Variants in SPPL2A observed in about 807,000 individuals in gnomAD.
SPPL2A encodes the protein signal peptide peptidase like 2A, also known as signal peptide peptidase-like 2A.
Under a neutral mutation model 63.8 loss-of-function variants are expected in SPPL2A, and 51 were observed. The observed-to-expected ratio is 0.80, with a 90% CI of 0.64 to 1.01. The LOEUF is 1.01. SPPL2A is among the 50% of genes least tolerant of loss of function. The pLI, the probability that SPPL2A is intolerant of heterozygous loss-of-function variation, is 0.00. For missense variants in SPPL2A, 553 were observed against 622.7 expected (o/e 0.89, Z 1.19); for synonymous variants, 188 against 205.8 (o/e 0.91, Z 0.74).
intron 5 of SPPL2A, 134 bp from the exon 6 acceptor site, chr15:50,739,962 TTA>T: frequency 2.4e-6 from 1 of 423,596 alleles, no homozygotes; most frequent in Admixed American, 4.7e-5. Context: ...TTTTATTTTA[TTA>T]TTTTTCTAAG....
At chr15:50,733,821 A>T (rs1468274319) in intron 8 of SPPL2A, among the ~76,000 whole-genome samples, 1 of 152,218 alleles carries the variant, frequency 6.6e-6, no homozygotes, top group East Asian at 1.9e-4. Context: ...CAATAGAAAA[A>T]AAAAAGTAAT....
rs372546749 is a variant in SPPL2A, at chr15:50,749,717, C to A, written c.96G>T (p.Ala32=). Residue 32 remains alanine (A), a synonymous_variant, in exon 2 of 15, where the codon GCG becomes GCT. Transcript: ENST00000261854. The part of the protein sequence containing the change: ...LTAAQEAILH[A]SGNGTTKDYC... ...AGTCCTTGGTTGTGCCATTTCCAGA[C>A]GCATGCAAGATTGCTTCCTGAGCGG... is the stretch of plus-strand genomic sequence containing the variant. The A allele has an allele frequency of 1.9e-6, 3 of 1,613,460 alleles. No individual in the cohort carries two copies. The highest frequency in any genetic ancestry group is 2.5e-6 in the Non-Finnish European group (3 of 1,179,400).
At chr15:50,733,624 G>A (rs1483368257) in intron 8 of SPPL2A, among the ~76,000 whole-genome samples, 3 of 152,066 alleles carry the variant, frequency 2.0e-5, no homozygotes, top group African/African-American at 7.2e-5. Context: ...TCTTGAGTAA[G>A]ACTTGAAAAG....
At chr15:50,717,296 TC>T (rs1312277206) in intron 14 of SPPL2A, among the ~76,000 whole-genome samples, 3 of 152,106 alleles carry the variant, frequency 2.0e-5, no homozygotes, top group Non-Finnish European at 4.4e-5. Flanking sequence ...CACCTCAGGC[TC>T]CCGAGCAGCT....
intron 1 of SPPL2A, among the ~76,000 whole-genome samples, chr15:50,753,890 G>A (rs964703165): frequency 1.3e-5 from 2 of 151,972 alleles, no homozygotes; most frequent in African/African-American, 2.4e-5. Flanking sequence ...TCCGCCTCCC[G>A]AGTTCAAGCA....
chr15:50,747,539 C>T lies in SPPL2A; in HGVS notation c.540G>A (p.Val180=). The change falls in exon 5 of 15, where the codon GTG becomes GTA. Residue 180 remains valine, a synonymous_variant. Coordinates refer to ENST00000261854, the MANE Select transcript of SPPL2A (RefSeq NM_032802.4). The part of the protein sequence containing the change: ...YTMVVIFVIA[V]FTVALGGYWS... ...AGTATCCACCTAATGCCACAGTGAA[C>T]ACCGCAATTACAAAAATAACCACCA... is the stretch of plus-strand genomic sequence containing the variant. 6.2e-7 allele frequency: 1 copy of T among 1,612,160 alleles called. No homozygotes were observed. Among genetic ancestry groups the T allele is most frequent in the Non-Finnish European group, 8.5e-7 (1 of 1,178,730 alleles).
At position 50,711,206 on chromosome 15, in the gene SPPL2A, C is replaced by T. The variant is rs866600776; in HGVS notation, c.1489-3332G>A. Among the ~76,000 whole-genome samples, 139 of 115,580 alleles carry T rather than the reference C, an allele frequency of 1.2e-3. 1 individual carries two copies. Among genetic ancestry groups the T allele is most frequent in the African/African-American group, 5.1e-3 (116 of 22,690 alleles). 75.8% of individuals were successfully genotyped at this position (115,580 alleles called of 152,430 possible). On this transcript the variant is annotated intron_variant, in intron 14 of 14. Coordinates refer to ENST00000261854, the MANE Select transcript of SPPL2A (RefSeq NM_032802.4). ...CAATTAGTATTTCCAAATTAGTATC[C>T]TTTTTTTTTTTTTTTTTTGTGAGAT...
intron 1 of SPPL2A, among the ~76,000 whole-genome samples, chr15:50,762,548 A>C (rs2063021367): frequency 6.6e-6 from 1 of 152,158 alleles, no homozygotes; most frequent in South Asian, 2.1e-4. Context: ...TCTGATGTGA[A>C]GATGACAAGA....
chr15:50,762,931 G>A (rs1401901634), intron 1 of SPPL2A, among the ~76,000 whole-genome samples: 1 of 147,864 alleles, frequency 6.8e-6, no homozygotes, highest in Admixed American at 6.8e-5. Context: ...TTTTAGTAGA[G>A]ACGGGGTTTC....
At chr15:50,750,789 T>G (rs2062899633) in intron 1 of SPPL2A, among the ~76,000 whole-genome samples, 2 of 152,196 alleles carry the variant, frequency 1.3e-5, no homozygotes, top group Admixed American at 1.3e-4. Context: ...CCTTAAAACT[T>G]GGCTCAATAC....
intron 8 of SPPL2A, among the ~76,000 whole-genome samples, chr15:50,733,057 A>T (rs2062743470): frequency 6.6e-6 from 1 of 152,214 alleles, no homozygotes; most frequent in South Asian, 2.1e-4. Context: ...AATGAATATT[A>T]TTACACTAAG....
chr15:50,739,036 G>T (rs2062796818), intron 6 of SPPL2A, among the ~76,000 whole-genome samples: 1 of 151,712 alleles, frequency 6.6e-6, no homozygotes, highest in African/African-American at 2.4e-5. Flanking sequence ...ACTAAATATA[G>T]CCACCAAGAA....
chr15:50,736,681 C>G lies in SPPL2A; in HGVS notation c.793G>C (p.Ala265Pro), dbSNP rs2062773729. ...TATGGTATCTTATGAATTAGTGCAGCAAGACAGTTGTACAGACTCATTGCT... is the reference window on the plus strand; with the variant it reads ...TATGGTATCTTATGAATTAGTGCAGGAAGACAGTTGTACAGACTCATTGCT... ...ASAMSLYNCLAALIHKIPYGQ... is the reference protein window; with the variant it reads ...ASAMSLYNCLPALIHKIPYGQ... Residue 265 changes from alanine (A) to proline (P), a missense_variant, in exon 7 of 15, where the codon GCT becomes CCT. Transcript: ENST00000261854. The G allele has an allele frequency of 6.2e-7, 1 of 1,609,882 alleles. No individual in the cohort carries two copies.
chr15:50,757,989 TA>T (rs71210386), intron 1 of SPPL2A, among the ~76,000 whole-genome samples: 1,066 of 61,330 alleles, frequency 0.017, 5 homozygotes, highest in African/African-American at 0.051. Context: ...GTCTCAATTA[TA>T]AAAAAAAAAA....
intron 12 of SPPL2A, among the ~76,000 whole-genome samples, chr15:50,724,157 G>C (rs2062668024): frequency 6.6e-6 from 1 of 152,162 alleles, no homozygotes; most frequent in Non-Finnish European, 1.5e-5. Context: ...ATGTCAACTT[G>C]CAAGGCAACG....
At chr15:50,730,052 G>A (rs1209662793) in intron 10 of SPPL2A, among the ~76,000 whole-genome samples, 3 of 151,596 alleles carry the variant, frequency 2.0e-5, no homozygotes, top group African/African-American at 7.3e-5. Flanking sequence ...TTAAATATAT[G>A]AGTGACAAAG....
chr15:50,757,284 G>A (rs567455738), intron 1 of SPPL2A, among the ~76,000 whole-genome samples: 20 of 151,906 alleles, frequency 1.3e-4, no homozygotes, highest in Non-Finnish European at 2.7e-4. Context: ...GAGTTTCACT[G>A]TGTTAGCCAG....
intron 14 of SPPL2A, among the ~76,000 whole-genome samples, chr15:50,709,947 C>T (rs1460212954): frequency 2.6e-5 from 4 of 151,966 alleles, no homozygotes; most frequent in Non-Finnish European, 5.9e-5. Context: ...AAAACAAAAG[C>T]CAAATCAAGA....
At chr15:50,762,365 CT>C (rs2063019547) in intron 1 of SPPL2A, among the ~76,000 whole-genome samples, 1 of 109,990 alleles carries the variant, frequency 9.1e-6, no homozygotes, top group African/African-American at 3.8e-5. Flanking sequence ...AAGACTCCAT[CT>C]CAAAAAAAAA....
Sources: gnomAD v4.1 joint callset for allele counts (sites outside exome capture counted in the v4.1 genomes callset) on GRCh38, gnomAD v4.1.1 for gene constraint, MANE v1.5 for transcripts, NCBI Gene and HGNC (gene_info 2026-07-23, HGNC 2026-07-21) for gene names.